The following SCEL variants were observed in gnomAD, a reference collection of about 807,000 sequenced individuals.
SCEL encodes sciellin.
SCEL carries 113 observed loss-of-function variants against 117.6 expected under a neutral mutation model. That is an observed-to-expected ratio of 0.96 (90% confidence interval 0.83 to 1.12). The LOEUF is 1.12. Among genes scored for constraint, SCEL ranks in the 50% most tolerant of loss-of-function variants. The pLI is 0.00. For synonymous variants in SCEL, 270 were observed against 256.2 expected, an observed-to-expected ratio of 1.05 and a Z score of -0.51; for missense variants, 785 against 810.8, an observed-to-expected ratio of 0.97 and a Z score of 0.39.
chr13:77,597,048 C>T (rs1358570591), intron 12 of SCEL: 1 of 152,430 alleles, frequency 6.6e-6, no homozygotes, highest in East Asian at 1.9e-4. Context: ...TTTCTAGAAG[C>T]TACGTGTGCA....
intron 30 of SCEL, 120 bp downstream of exon 30, chr13:77,637,314 A>G (rs2090334395): frequency 5.4e-6 from 1 of 185,160 alleles, no homozygotes; most frequent in Non-Finnish European, 1.1e-5. Context: ...ATATACATAT[A>G]TATAAATATA....
chr13:77,551,889 C>T (rs2084351515), intron 1 of SCEL, among the ~76,000 whole-genome samples: 1 of 135,804 alleles, frequency 7.4e-6, no homozygotes, highest in Non-Finnish European at 1.6e-5. Flanking sequence ...GTTCCCCTTC[C>T]TGTGTCCATG....
At chr13:77,578,162 C>T (rs117811890) in intron 9 of SCEL, among the ~76,000 whole-genome samples, 1,812 of 152,146 alleles carry the variant, frequency 0.012, 43 homozygotes, top group Non-Finnish European at 0.016. Context: ...ATCATTGCAG[C>T]GAGTTCCAGG....
At chr13:77,633,669 C>T (rs1322366896) in intron 28 of SCEL, among the ~76,000 whole-genome samples, 1 of 152,084 alleles carries the variant, frequency 6.6e-6, no homozygotes, top group African/African-American at 2.4e-5. Context: ...TCTTATGAAG[C>T]CAGGAACAAT....
chr13:77,569,796 G>A (rs1450194676), intron 8 of SCEL, among the ~76,000 whole-genome samples: 1 of 152,154 alleles, frequency 6.6e-6, no homozygotes. Flanking sequence ...GCCTGTATCT[G>A]GAGATGCCGC....
chr13:77,606,216 A>G (rs1244378359), intron 19 of SCEL, among the ~76,000 whole-genome samples: 1 of 152,180 alleles, frequency 6.6e-6, no homozygotes, highest in African/African-American at 2.4e-5. Context: ...TTGCATATGT[A>G]TGCACAATGC....
In SCEL at chr13:77,568,464, GACAA is replaced by G. The variant is rs1367137797; in HGVS notation, c.398+132_398+135del. On this transcript the variant is annotated intron_variant, in intron 7 of 32. Transcript: ENST00000349847. ...GCTCTGGCAGAGTTGAGTAGTAGAA[GACAA>G]TACCAAAATGGTCTGTAAAGGTTCA... 9.2e-4 allele frequency: 530 copies of G among 574,370 alleles called. 4 individuals are homozygous for G. The highest frequency in any genetic ancestry group is 9.1e-3 in the African/African-American group (462 of 50,802). The allele number at this position is 574,370 out of a possible 1,614,324, so 35.6% of individuals were successfully genotyped here.
At position 77,642,824 on chromosome 13, in the gene SCEL, TA is replaced by T; in HGVS notation, c.2050+18del. 7.1e-7 allele frequency: 1 copy of T among 1,404,692 alleles called. No homozygotes were observed. 87.0% of individuals were successfully genotyped at this position (1,404,692 alleles called of 1,614,324 possible). On this transcript the variant is annotated intron_variant, in intron 32 of 32. Coordinates refer to ENST00000349847, the MANE Select transcript of SCEL (RefSeq NM_144777.3). ...AAAATTATGGGTAAGTGTTACACTC[TA>T]AGCATTTAACACTTTGGTTAACCTT...
chr13:77,589,043 C>A, intron 9 of SCEL, 101 bp from the exon 10 acceptor site: 1 of 837,728 alleles, frequency 1.2e-6, no homozygotes, highest in Non-Finnish European at 2.0e-6. Context: ...TTGTAAGATG[C>A]AAAGGATATT....
At chr13:77,602,163 C>T in intron 16 of SCEL, 39 bp downstream of exon 16, 1 of 1,556,254 alleles carries the variant, frequency 6.4e-7, no homozygotes, top group Non-Finnish European at 8.8e-7. Context: ...TCTTTTTATT[C>T]AGGTTAGCTT....
At chr13:77,547,449 G>T (rs1359213079) in intron 1 of SCEL, among the ~76,000 whole-genome samples, 3 of 152,114 alleles carry the variant, frequency 2.0e-5, no homozygotes, top group Non-Finnish European at 2.9e-5. Flanking sequence ...GATGGATTTG[G>T]TATAAAAATG....
intron 1 of SCEL, among the ~76,000 whole-genome samples, chr13:77,536,449 G>T (rs1361682089): frequency 6.6e-6 from 1 of 152,070 alleles, no homozygotes; most frequent in African/African-American, 2.4e-5. Flanking sequence ...AGGGTACATG[G>T]TTCCTCACAG....
In SCEL at chr13:77,593,289, T is replaced by C. The variant is rs61965798; in HGVS notation, c.693-225T>C. 1.4e-3 allele frequency among the ~76,000 whole-genome samples: 149 copies of C among 109,934 alleles called. 2 individuals carry two copies. Among genetic ancestry groups the C allele is most frequent in the Admixed American group, 3.0e-3 (31 of 10,242 alleles). 72.1% of individuals were successfully genotyped at this position (109,934 alleles called of 152,430 possible). ...GTGTGTGTGTGTGTGTGTGTGTGTG[T>C]GTGTGTGTCTGTGTGTGTGTGTGTG... On this transcript the variant is annotated intron_variant, in intron 11 of 32. Coordinates refer to ENST00000349847, the MANE Select transcript of SCEL (RefSeq NM_144777.3).
chr13:77,571,712 C>CATAGAT (rs1555506567), intron 8 of SCEL, among the ~76,000 whole-genome samples: 4 of 145,102 alleles, frequency 2.8e-5, no homozygotes, highest in Non-Finnish European at 6.0e-5. Flanking sequence ...AAAAATAAAA[C>CATAGAT]ATATATATAT....
At chr13:77,619,286 G>A (rs1332283223) in intron 27 of SCEL, among the ~76,000 whole-genome samples, 1 of 152,164 alleles carries the variant, frequency 6.6e-6, no homozygotes, top group Non-Finnish European at 1.5e-5. Context: ...CACCCAGGAT[G>A]TGACTGGCAA....
At chr13:77,598,629 T>C (rs1034748477) in intron 13 of SCEL, among the ~76,000 whole-genome samples, 2 of 152,212 alleles carry the variant, frequency 1.3e-5, no homozygotes, top group African/African-American at 2.4e-5. Flanking sequence ...GAGTCTAGTG[T>C]TGCAGGACAG....
At chr13:77,642,907 TAG>T in intron 32 of SCEL, 99 bp downstream of exon 32, 3 of 562,874 alleles carry the variant, frequency 5.3e-6, no homozygotes, top group South Asian at 3.3e-5. Flanking sequence ...AACATTTTAC[TAG>T]TTATATTTAG....
At chr13:77,550,774 A>T (rs1317875081) in intron 1 of SCEL, among the ~76,000 whole-genome samples, 2 of 152,148 alleles carry the variant, frequency 1.3e-5, no homozygotes, top group Non-Finnish European at 2.9e-5. Flanking sequence ...ACTGATGGAC[A>T]TTGGGGTTGT....
In SCEL at chr13:77,644,292, C is replaced by T. The variant is rs1340259303; in HGVS notation, c.*18C>T. ...TTCCATAACTCTGGCACAAGGAAATCAAGATGAAAAGCACTCATTAAGGAA... is the reference window on the plus strand; with the variant it reads ...TTCCATAACTCTGGCACAAGGAAATTAAGATGAAAAGCACTCATTAAGGAA... On this transcript the variant is annotated 3_prime_UTR_variant, in exon 33 of 33. Transcript: ENST00000349847. 6.2e-7 allele frequency: 1 copy of T among 1,612,286 alleles called. No individual in the cohort carries two copies. Among genetic ancestry groups the T allele is most frequent in the East Asian group, 2.2e-5 (1 of 44,834 alleles).
Sources: allele counts gnomAD v4.1 joint callset (sites outside exome capture counted in the v4.1 genomes callset), GRCh38; gene constraint gnomAD v4.1.1; transcripts MANE v1.5; gene names NCBI Gene and HGNC (gene_info 2026-07-23, HGNC 2026-07-21).